The following GALNT13 variants were observed in gnomAD, a reference collection of about 807,000 sequenced individuals.
The protein encoded by GALNT13 is UDP-GalNAc:polypeptide N-acetylgalactosaminyltransferase 13.
GALNT13 carries 28 observed loss-of-function variants against 64.2 expected under a neutral mutation model. The observed-to-expected ratio is 0.44, with a 90% CI of 0.32 to 0.60. The LOEUF (loss-of-function observed/expected upper bound fraction) is 0.60. Ranked by LOEUF, GALNT13 falls within the 20% of genes least tolerant of loss-of-function variation. GALNT13 has a pLI of 0.05. For synonymous variants in GALNT13, 214 were observed against 224.6 expected (o/e 0.95, Z 0.42); for missense variants, 577 against 669.8 (o/e 0.86, Z 1.53).
chr2:153,734,056 A>G, the GALNT13 span, among the ~76,000 whole-genome samples: 1 of 151,990 alleles, frequency 6.6e-6, no homozygotes. Context: ...GTTCTATTTC[A>G]TTGGTGAAAT....
At chr2:153,708,963 C>T in the GALNT13 span, among the ~76,000 whole-genome samples, 4 of 152,064 alleles carry the variant, frequency 2.6e-5, no homozygotes, top group South Asian at 6.2e-4. Flanking sequence ...CCTTATCATA[C>T]ACAATATGCA....
the GALNT13 span, among the ~76,000 whole-genome samples, chr2:153,391,081 A>G: frequency 9.0e-4 from 136 of 151,844 alleles, no homozygotes; most frequent in Non-Finnish European, 1.5e-3. Context: ...GGGGAAAAGC[A>G]CTCCAGGCAG....
At chr2:154,386,860 T>A (rs1574212384) in intron 9 of GALNT13, among the ~76,000 whole-genome samples, 1 of 152,094 alleles carries the variant, frequency 6.6e-6, no homozygotes, top group Non-Finnish European at 1.5e-5. Context: ...GATCTGAAGT[T>A]TGAGGTAATT....
chr2:154,271,862 G>A (rs7576386), intron 8 of GALNT13, among the ~76,000 whole-genome samples: 109,689 of 151,550 alleles, frequency 0.72, 40,149 homozygotes, highest in East Asian at 0.86. Flanking sequence ...TAACAATGAT[G>A]TATGGATAAA....
At chr2:154,356,012 C>A (rs932126158) in intron 9 of GALNT13, among the ~76,000 whole-genome samples, 2 of 151,970 alleles carry the variant, frequency 1.3e-5, no homozygotes. Context: ...AAAATGGTTT[C>A]AAACACCTCG....
At chr2:153,944,364 A>T (rs1691559452) in intron 2 of GALNT13, 30 bp from the exon 3 acceptor site, 1 of 696,020 alleles carries the variant, frequency 1.4e-6, no homozygotes. Context: ...GTGTACAATT[A>T]ATGAAATTTT....
At chr2:153,978,637 C>A (rs1325744342) in intron 3 of GALNT13, among the ~76,000 whole-genome samples, 1 of 152,100 alleles carries the variant, frequency 6.6e-6, no homozygotes, top group Non-Finnish European at 1.5e-5. Flanking sequence ...TAAGAAGTGC[C>A]TTTTACCTCC....
At chr2:153,614,686 G>T in the GALNT13 span, among the ~76,000 whole-genome samples, 2 of 152,000 alleles carry the variant, frequency 1.3e-5, no homozygotes, top group African/African-American at 4.8e-5. Flanking sequence ...TTCGATTGTA[G>T]AATTGCTATT....
intron 3 of GALNT13, among the ~76,000 whole-genome samples, chr2:153,975,329 A>G (rs921537659): frequency 6.6e-6 from 1 of 151,998 alleles, no homozygotes; most frequent in African/African-American, 2.4e-5. Context: ...CTGGTGCTTT[A>G]CCAAATTTCT....
chr2:153,936,307 T>C (rs547102510), intron 2 of GALNT13, among the ~76,000 whole-genome samples: 1 of 152,350 alleles, frequency 6.6e-6, no homozygotes, highest in South Asian at 2.1e-4. Context: ...GCATAGGTTA[T>C]ATACAAATAC....
chr2:154,291,860 G>C (rs529837564), intron 8 of GALNT13, among the ~76,000 whole-genome samples: 1 of 152,238 alleles, frequency 6.6e-6, no homozygotes, highest in Non-Finnish European at 1.5e-5. Context: ...GTCACCTCTC[G>C]ATGTGATTCA....
At chr2:153,316,988 TAAAA>T in the GALNT13 span, among the ~76,000 whole-genome samples, 1 of 152,174 alleles carries the variant, frequency 6.6e-6, no homozygotes, top group East Asian at 1.9e-4. Context: ...CTATAAATAA[TAAAA>T]AGAGAAATCC....
intron 8 of GALNT13, among the ~76,000 whole-genome samples, chr2:154,300,131 G>A (rs1397989580): frequency 2.7e-5 from 2 of 73,450 alleles, no homozygotes; most frequent in East Asian, 4.5e-4. Flanking sequence ...ATAGAGTTTC[G>A]CTTTTGTCAC....
At chr2:154,160,514 C>T (rs1288604513) in intron 4 of GALNT13, among the ~76,000 whole-genome samples, 2 of 152,110 alleles carry the variant, frequency 1.3e-5, no homozygotes, top group African/African-American at 4.8e-5. Context: ...CTTTTCCCTA[C>T]TCAGCCCTTA....
the GALNT13 span, among the ~76,000 whole-genome samples, chr2:153,177,652 T>A: frequency 6.6e-6 from 1 of 152,126 alleles, no homozygotes; most frequent in African/African-American, 2.4e-5. Flanking sequence ...AATTTATGCA[T>A]ATAATGTGGA....
At chr2:153,455,789 AGCCTTTTGTGTCT>A in the GALNT13 span, among the ~76,000 whole-genome samples, 2 of 152,154 alleles carry the variant, frequency 1.3e-5, no homozygotes, top group Non-Finnish European at 2.9e-5. Flanking sequence ...CCAGTGTGGC[AGCCTTTTGTGTCT>A]GCATTTGTGG....
chr2:153,961,351 G>C (rs1298156195), intron 3 of GALNT13, among the ~76,000 whole-genome samples: 2 of 152,152 alleles, frequency 1.3e-5, no homozygotes, highest in Non-Finnish European at 2.9e-5. Context: ...TCTGTCCTTT[G>C]AAGGCAAGGT....
chr2:153,889,124 A>G (rs1687377891), intron 1 of GALNT13, among the ~76,000 whole-genome samples: 1 of 151,900 alleles, frequency 6.6e-6, no homozygotes, highest in South Asian at 2.1e-4. Context: ...CATTTTTCTA[A>G]GTTTCCTGGC....
the GALNT13 span, among the ~76,000 whole-genome samples, chr2:153,696,234 C>T: frequency 1.6e-4 from 25 of 152,218 alleles, no homozygotes; most frequent in Admixed American, 5.9e-4. Context: ...CTGAAGAAAC[C>T]GGAGTCTGAT....
Sources: allele counts gnomAD v4.1 joint callset (sites outside exome capture counted in the v4.1 genomes callset), GRCh38; gene constraint gnomAD v4.1.1; transcripts MANE v1.5; gene names NCBI Gene and HGNC (gene_info 2026-07-23, HGNC 2026-07-21).